Variants in SLC44A1 observed in about 807,000 individuals in gnomAD.
SLC44A1 encodes the protein solute carrier family 44 member 1.
A neutral mutation model predicts 79.3 loss-of-function variants in SLC44A1; 26 were observed. The ratio of observed to expected loss-of-function variants is 0.33; its 90% CI spans 0.24 to 0.46. The LOEUF is 0.46. Ranked by LOEUF, SLC44A1 falls within the 20% of genes least tolerant of loss-of-function variation. The pLI is 1.00. For missense variants in SLC44A1, 688 were observed against 798.1 expected (o/e 0.86, Z 1.66); for synonymous variants, 263 against 286.2 (o/e 0.92, Z 0.82).
At chr9:105,289,909 G>A (rs2131270279) in intron 1 of SLC44A1, among the ~76,000 whole-genome samples, 1 of 151,864 alleles carries the variant, frequency 6.6e-6, no homozygotes, top group South Asian at 2.1e-4. Flanking sequence ...TGCCTCCCAG[G>A]TTCAAGTGAT....
chr9:105,418,170 C>T (rs751680746), intron 15 of SLC44A1, among the ~76,000 whole-genome samples: 16 of 151,750 alleles, frequency 1.1e-4, no homozygotes, highest in East Asian at 7.7e-4. Flanking sequence ...AAAAATTAGT[C>T]GGGTGTAGTG....
Position 105,365,476 on chromosome 9 carries a change from T to A in SLC44A1, c.1254-7T>A, listed in dbSNP as rs371850411. Reference sequence around the variant, plus strand: ...TTTAATTGTCTTTTTGGTCATTTTTTAAATAGGGATAAAAGGAATTTGCCA... The same window carrying A: ...TTTAATTGTCTTTTTGGTCATTTTTAAAATAGGGATAAAAGGAATTTGCCA... On this transcript the variant is annotated splice_region_variant and splice_polypyrimidine_tract_variant and intron_variant, in intron 10 of 15. Transcript: ENST00000374720. 42 of 1,607,634 alleles carry A rather than the reference T, an allele frequency of 2.6e-5. No homozygotes were observed. Among genetic ancestry groups the A allele is most frequent in the East Asian group, 1.8e-4 (8 of 44,796 alleles).
At chr9:105,403,921 G>A (rs1453058640) in intron 15 of SLC44A1, among the ~76,000 whole-genome samples, 1 of 151,786 alleles carries the variant, frequency 6.6e-6, no homozygotes, top group African/African-American at 2.4e-5. Context: ...ATTTTATGCT[G>A]CAGAAAATGA....
chr9:105,301,283 A>C (rs1830872060), intron 2 of SLC44A1, among the ~76,000 whole-genome samples: 1 of 152,168 alleles, frequency 6.6e-6, no homozygotes, highest in Non-Finnish European at 1.5e-5. Flanking sequence ...GAGACTAAGG[A>C]GTTATTTGTT....
downstream of SLC44A1, among the ~76,000 whole-genome samples, chr9:105,401,412 TTAAAA>T (rs1316637574): frequency 2.0e-4 from 31 of 152,274 alleles, no homozygotes; most frequent in African/African-American, 6.3e-4. Context: ...GGGATTATAC[TTAAAA>T]TAGAATATAC....
chr9:105,371,720 C>CAA lies in SLC44A1; in HGVS notation c.1495-2858_1495-2857dup, dbSNP rs776993058. 5.7e-3 allele frequency among the ~76,000 whole-genome samples: 541 copies of CAA among 94,110 alleles called. 10 individuals are homozygous for CAA. The highest frequency in any genetic ancestry group is 7.5e-3 in the African/African-American group (177 of 23,464). The allele number at this position is 94,110 out of a possible 152,430, so 61.7% of individuals were successfully genotyped here. The stretch of plus-strand genomic sequence containing the variant: ...GGCGACAGAGTGAGACTCCATCTCA[C>CAA]AAAAAAAAAAAAAAAAAAAAAGTAA... On this transcript the variant is annotated intron_variant, in intron 12 of 15. Coordinates refer to ENST00000374720, the MANE Select transcript of SLC44A1 (RefSeq NM_080546.5).
At chr9:105,412,435 G>C (rs1341852761) in intron 15 of SLC44A1, among the ~76,000 whole-genome samples, 1 of 152,112 alleles carries the variant, frequency 6.6e-6, no homozygotes. Flanking sequence ...CTCATCTTAT[G>C]CTTTCCTGGT....
chr9:105,325,377 T>A, intron 3 of SLC44A1, among the ~76,000 whole-genome samples: 1 of 152,196 alleles, frequency 6.6e-6, no homozygotes, highest in South Asian at 2.1e-4. Context: ...ATTCACTCGT[T>A]TTCTGTTGCC....
chr9:105,422,968 A>G (rs550270387), intron 15 of SLC44A1, among the ~76,000 whole-genome samples: 58 of 152,310 alleles, frequency 3.8e-4, no homozygotes, highest in African/African-American at 1.3e-3. Context: ...CAAGGAGCAA[A>G]GTTAGATTTA....
At chr9:105,357,983 A>G (rs1827670542) in intron 6 of SLC44A1, among the ~76,000 whole-genome samples, 1 of 152,236 alleles carries the variant, frequency 6.6e-6, no homozygotes, top group Non-Finnish European at 1.5e-5. Context: ...CTTGTCACCA[A>G]CATGACATGT....
In SLC44A1 at chr9:105,309,818, C is replaced by T. The variant is rs746006441; in HGVS notation, c.221C>T (p.Thr74Ile). Residue 74 changes from threonine (T) to isoleucine (I), a missense_variant, in exon 3 of 16, where the codon ACA becomes ATA. Physicochemically the swap from Thr to Ile is moderately conservative, Grantham distance 89. Transcript: ENST00000374720. The part of the protein sequence containing the change: ...SYGNICGQKN[T>I]KLEAIPNSGM... ...GGAAATATCTGTGGGCAGAAAAATA[C>T]AAAGTTGGAAGCAATACCAAACAGT... The T allele has an allele frequency of 2.2e-5, 35 of 1,613,734 alleles. No homozygotes were observed. Among genetic ancestry groups the T allele is most frequent in the Non-Finnish European group, 3.0e-5 (35 of 1,179,874 alleles).
rs1471312050 is a variant in SLC44A1 at position 105,389,353 on chromosome 9, C to A, written c.*297C>A. 4 of 1,111,708 alleles carry A rather than the reference C, an allele frequency of 3.6e-6. No individual in the cohort carries two copies. The highest frequency in any genetic ancestry group is 3.2e-5 in the African/African-American group (2 of 61,638). The allele number at this position is 1,111,708 out of a possible 1,614,324, so 68.9% of individuals were successfully genotyped here. ...TTGTCTTAATGGAAATGTTAAAATT[C>A]ATATCTGATTAACATTTTTAATAAC... On this transcript the variant is annotated 3_prime_UTR_variant, in exon 16 of 16. Coordinates refer to ENST00000374720, the MANE Select transcript of SLC44A1 (RefSeq NM_080546.5).
chr9:105,281,364 T>G (rs911194162), intron 1 of SLC44A1, among the ~76,000 whole-genome samples: 3 of 152,212 alleles, frequency 2.0e-5, no homozygotes, highest in Non-Finnish European at 4.4e-5. Context: ...GATAAGGTGC[T>G]TATAGTCTTT....
chr9:105,329,230 G>GTTT, intron 3 of SLC44A1, among the ~76,000 whole-genome samples: 2 of 152,156 alleles, frequency 1.3e-5, no homozygotes, highest in Non-Finnish European at 2.9e-5. Context: ...GTAATAATTG[G>GTTT]GAAAATGATC....
chr9:105,359,902 T>C (rs982814923), intron 7 of SLC44A1, among the ~76,000 whole-genome samples: 7 of 152,234 alleles, frequency 4.6e-5, no homozygotes, highest in African/African-American at 1.2e-4. Flanking sequence ...AATTTGCCTT[T>C]GATCTCATTA....
intron 1 of SLC44A1, among the ~76,000 whole-genome samples, chr9:105,250,971 G>C (rs1829570937): frequency 1.3e-5 from 2 of 151,996 alleles, no homozygotes; most frequent in South Asian, 2.1e-4. Context: ...AGTTCCCCTG[G>C]TAGCCCTCGT....
At chr9:105,319,343 A>G (rs1826311043) in intron 3 of SLC44A1, among the ~76,000 whole-genome samples, 1 of 152,338 alleles carries the variant, frequency 6.6e-6, no homozygotes, top group East Asian at 1.9e-4. Flanking sequence ...AAAGGAGTGC[A>G]TGGGGCAGAG....
intron 15 of SLC44A1, among the ~76,000 whole-genome samples, chr9:105,433,587 C>T (rs577458635): frequency 7.2e-5 from 11 of 151,876 alleles, no homozygotes; most frequent in Non-Finnish European, 1.3e-4. Context: ...ATTAAGATAC[C>T]GCACTCCCTC....
intron 4 of SLC44A1, among the ~76,000 whole-genome samples, chr9:105,340,808 A>ATGG (rs1291283180): frequency 2.0e-5 from 3 of 152,186 alleles, no homozygotes; most frequent in Non-Finnish European, 4.4e-5. Context: ...CTCAGTTCCT[A>ATGG]TGGTGGTGGT....
Sources: allele counts gnomAD v4.1 joint callset (sites outside exome capture counted in the v4.1 genomes callset), GRCh38; gene constraint gnomAD v4.1.1; transcripts MANE v1.5; gene names NCBI Gene and HGNC (gene_info 2026-07-23, HGNC 2026-07-21).